Variants in IL17D observed in about 807,000 individuals in gnomAD.
IL17D encodes interleukin-17D.
In IL17D, 10 loss-of-function variants were observed where a neutral mutation model predicts 5.7. That is an observed-to-expected ratio of 1.75 (90% CI 1.08 to 2.97). IL17D has a LOEUF of 2.97. IL17D is among the 30% of genes most tolerant of loss of function. IL17D has a pLI of 0.00. For synonymous variants in IL17D, 172 were observed against 141.7 expected (o/e 1.21, Z -1.52); for missense variants, 354 against 292.7 (o/e 1.21, Z -1.53).
Position 20,722,211 on chromosome 13 carries a change from G to T in IL17D, c.*257G>T, listed in dbSNP as rs557154464. The T allele has an allele frequency of 2.1e-6, 1 of 484,392 alleles. No homozygotes were observed. The highest frequency in any genetic ancestry group is 3.9e-5 in the Admixed American group (1 of 25,700). The allele number at this position is 484,392 out of a possible 1,614,324, so 30.0% of individuals were successfully genotyped here. A position where few individuals can be genotyped will look rare whatever the true frequency, so the allele number is the denominator to read the frequency against. ...GACCCGGCACGGGCATCCTGTGTGC[G>T]GCCCGCATGGAGGGTTTGGAAAAGT... On this transcript the variant is annotated 3_prime_UTR_variant, in exon 2 of 2. Transcript: ENST00000682841.
chr13:20,712,386 CAAGACCAGCCTGACCAACATGGTGA>C (rs2058645797), intron 1 of IL17D: 1 of 152,220 alleles, frequency 6.6e-6, no homozygotes, highest in Admixed American at 6.5e-5. Context: ...GTCAGGAGTT[CAAGACCAGCCTGACCAACATGGTGA>C]AACCCCCATC....
At chr13:20,721,497 G>T in intron 1 of IL17D, 139 bp from the exon 2 acceptor site, 1 of 640,284 alleles carries the variant, frequency 1.6e-6, no homozygotes, top group East Asian at 2.9e-5. Context: ...GTTGTCGGCG[G>T]GGGGCCTCGC....
intron 1 of IL17D, chr13:20,712,787 G>A (rs1472892615): frequency 2.6e-5 from 4 of 152,232 alleles, no homozygotes; most frequent in Admixed American, 6.5e-5. Context: ...GGCCGACAGG[G>A]GGCAGCACGG....
At chr13:20,701,963 A>G (rs916159458), upstream of IL17D, 1 of 152,206 alleles carries the variant, frequency 6.6e-6, no homozygotes, top group Non-Finnish European at 1.5e-5. Context: ...GACAGTGGAA[A>G]ATACTTTGTT....
At position 20,716,180 on chromosome 13, in the gene IL17D, G is replaced by A. The variant is rs975409050; in HGVS notation, c.291-5456G>A. The A allele has an allele frequency of 5.4e-6, 4 of 737,992 alleles. No individual in the cohort carries two copies. Among genetic ancestry groups the A allele is most frequent in the Admixed American group, 1.3e-4 (2 of 15,976 alleles). 45.7% of individuals were successfully genotyped at this position (737,992 alleles called of 1,614,324 possible). ...GGACTCTCAGCTCTTGGAGAGGGAT[G>A]CTACATGTCCCTCAGTGTCCCCAGA... On this transcript the variant is annotated intron_variant, in intron 1 of 1. Coordinates refer to ENST00000682841, the MANE Select transcript of IL17D (RefSeq NM_001385224.1). This position sits in a 1 kb window ranked among gnomAD's most constrained non-coding sequence, Gnocchi z 4.2.
rs1334151947 is a variant in IL17D, at chr13:20,718,660, ATG to A, written c.291-2975_291-2974del. ...CACGCTCACACACCTGCCCACTTAC[ATG>A]CCCACGCTCACACACACCTGCCCAC... On this transcript the variant is annotated intron_variant, in intron 1 of 1. Coordinates refer to ENST00000682841, the MANE Select transcript of IL17D (RefSeq NM_001385224.1). 1.4e-4 allele frequency among the ~76,000 whole-genome samples: 11 copies of A among 81,138 alleles called. No homozygotes were observed. The South Asian group carries it at 5.8e-3, about 43-fold the overall frequency. 53.2% of individuals were successfully genotyped at this position (81,138 alleles called of 152,430 possible).
Position 20,721,749 on chromosome 13 carries a change from CT to C in IL17D, c.405del (p.Val136SerfsTer132). The C allele has an allele frequency of 1.2e-6, 2 of 1,610,504 alleles. No homozygotes were observed. The highest frequency in any genetic ancestry group is 1.7e-6 in the Non-Finnish European group (2 of 1,179,678). ...GAGGACGTGCGCTTCCGCAGCGCCC[CT>C]GTCTACATGCCCACCGTCGTCCTGC... ...GEEDVRFRSA[P>X]VYMPTVVLRR... On this transcript the variant is annotated frameshift_variant, in exon 2 of 2. Transcript: ENST00000682841. LOFTEE classifies it low-confidence loss of function (END_TRUNC).
Position 20,721,617 on chromosome 13 carries a change from C to A in IL17D, c.291-19C>A. 6.4e-7 allele frequency: 1 copy of A among 1,573,088 alleles called. No individual in the cohort carries two copies. On this transcript the variant is annotated intron_variant, in intron 1 of 1. Coordinates refer to ENST00000682841, the MANE Select transcript of IL17D (RefSeq NM_001385224.1). ...GGGCTGCCCCCAGGCGTGACCTCAC[C>A]CGTGCTCTCTCCCTGCAGAATCTCC...
chr13:20,704,033 C>G lies in IL17D; in HGVS notation c.32C>G (p.Pro11Arg). Residue 11 changes from proline (P) to arginine (R), a missense_variant, in exon 1 of 2, where the codon CCG becomes CGG. Pro to Arg is a moderately radical substitution (Grantham distance 103, BLOSUM62 -2). Transcript: ENST00000682841. MLVAGFLLAL[P>R]PSWAAGAPRA... ...GTAGCCGGCTTCCTGCTGGCGCTGC[C>G]GCCGAGCTGGGCCGCGGGCGCCCCG... The G allele has an allele frequency of 9.6e-7, 1 of 1,036,678 alleles. No individual in the cohort carries two copies. The highest frequency in any genetic ancestry group is 1.2e-6 in the Non-Finnish European group (1 of 867,156). 64.2% of individuals were successfully genotyped at this position (1,036,678 alleles called of 1,614,324 possible).
At chr13:20,712,980 C>T (rs1853671723) in intron 1 of IL17D, 1 of 149,464 alleles carries the variant, frequency 6.7e-6, no homozygotes, top group South Asian at 2.2e-4. Flanking sequence ...TCCCTTCTTT[C>T]CTTCCTTCCT....
chr13:20,703,338 G>A (rs767809353), upstream of IL17D: 4 of 985,872 alleles, frequency 4.1e-6, no homozygotes, highest in East Asian at 4.5e-4. Context: ...CACTGCACAA[G>A]TGACAAAATG....
chr13:20,710,628 T>TAAA (rs11445353), intron 1 of IL17D, among the ~76,000 whole-genome samples: 13 of 55,244 alleles, frequency 2.4e-4, no homozygotes, highest in South Asian at 1.0e-3. Flanking sequence ...AAACTCTGTC[T>TAAA]AAAAAAAAAA....
chr13:20,719,911 G>A (rs2058717669), intron 1 of IL17D, among the ~76,000 whole-genome samples: 1 of 152,232 alleles, frequency 6.6e-6, no homozygotes, highest in Non-Finnish European at 1.5e-5. Flanking sequence ...TGTGGGCCCA[G>A]CCAGGACACC....
chr13:20,709,423 T>G (rs2058616989), intron 1 of IL17D, among the ~76,000 whole-genome samples: 1 of 152,162 alleles, frequency 6.6e-6, no homozygotes, highest in Non-Finnish European at 1.5e-5. Context: ...GGCACCGAGT[T>G]AGATATTATA....
intron 1 of IL17D, among the ~76,000 whole-genome samples, chr13:20,720,514 T>C (rs1167069098): frequency 1.3e-5 from 2 of 152,192 alleles, no homozygotes; most frequent in Admixed American, 1.3e-4. Flanking sequence ...CTTTTTTGTT[T>C]TTGCTTCAGA....
At chr13:20,718,263 T>G (rs2058693806) in intron 1 of IL17D, among the ~76,000 whole-genome samples, 1 of 152,112 alleles carries the variant, frequency 6.6e-6, no homozygotes, top group African/African-American at 2.4e-5. Context: ...TCTCCAGGGC[T>G]CCTGTGCACC....
intron 1 of IL17D, among the ~76,000 whole-genome samples, chr13:20,719,335 TCACC>T (rs2141398734): frequency 8.1e-6 from 1 of 123,084 alleles, no homozygotes; most frequent in Non-Finnish European, 1.7e-5. Flanking sequence ...ATGCCCACAC[TCACC>T]CACACACACC....
At chr13:20,703,583 C>A, upstream of IL17D, 1 of 243,152 alleles carries the variant, frequency 4.1e-6, no homozygotes, top group Non-Finnish European at 6.6e-6. Flanking sequence ...TCTTAGGCTC[C>A]GGGGCTCCCT....
chr13:20,716,135 A>G lies in IL17D; in HGVS notation c.291-5501A>G. The G allele has an allele frequency of 1.0e-6, 1 of 984,142 alleles. No homozygotes were observed. 61.0% of individuals were successfully genotyped at this position (984,142 alleles called of 1,614,324 possible). A position where few individuals can be genotyped will look rare whatever the true frequency, so the allele number is the denominator to read the frequency against. ...TTTATGCCGCCTTCTTATCTCTTGC[A>G]AAGGTTAGTGTTTTTCACAGGACTC... On this transcript the variant is annotated intron_variant, in intron 1 of 1. Transcript: ENST00000682841. The surrounding 1 kb of genome is among the most constrained non-coding windows in gnomAD (Gnocchi z 4.2).
Sources: gnomAD v4.1 joint callset for allele counts (sites outside exome capture counted in the v4.1 genomes callset) on GRCh38, gnomAD v4.1.1 for gene constraint, Gnocchi (gnomAD v3.1) non-coding constraint, MANE v1.5 for transcripts, NCBI Gene and HGNC (gene_info 2026-07-23, HGNC 2026-07-21) for gene names.